The following RNASE4 variants were observed in gnomAD, a reference collection of about 807,000 sequenced individuals.
RNASE4 encodes ribonuclease A family member 4.
For synonymous variants in RNASE4, 93 were observed against 71.4 expected (o/e 1.30, Z -1.52); for missense variants, 194 against 192.8 (o/e 1.01, Z -0.04).
intron 1 of RNASE4, among the ~76,000 whole-genome samples, chr14:20,692,999 C>G: frequency 6.6e-6 from 1 of 152,032 alleles, no homozygotes; most frequent in East Asian, 1.9e-4. Flanking sequence ...AGGCGCCCGC[C>G]ACTACGCCCG....
At chr14:20,693,895 T>C (rs1594210509) in intron 1 of RNASE4, 1 of 1,614,074 alleles carries the variant, frequency 6.2e-7, no homozygotes, top group Non-Finnish European at 8.5e-7. Flanking sequence ...ACATGGAGGT[T>C]CCCCCTGGCC....
At chr14:20,693,421 T>G in intron 1 of RNASE4, 7 of 1,246,760 alleles carry the variant, frequency 5.6e-6, no homozygotes, top group Non-Finnish European at 8.0e-6. Flanking sequence ...GAAAATAGAA[T>G]ATAAAATTTG....
rs1887209988 is a variant in RNASE4, at chr14:20,699,481, T to G, written c.110T>G (p.Leu37Arg). ...YGQDGMYQRF[L>R]RQHVHPEETG... ...CAGGATGGCATGTACCAGCGATTCC[T>G]GCGGCAACACGTGCACCCTGAGGAG... is the stretch of plus-strand genomic sequence containing the variant. Residue 37 changes from leucine to arginine, a missense_variant, in exon 2 of 2, where the codon CTG becomes CGG. By Grantham distance (102) the Leu-to-Arg change is moderately radical. Coordinates refer to ENST00000555835, the MANE Select transcript of RNASE4 (RefSeq NM_002937.5). The G allele has an allele frequency of 6.2e-7, 1 of 1,614,002 alleles. No individual in the cohort carries two copies. The highest frequency in any genetic ancestry group is 1.3e-5 in the African/African-American group (1 of 74,914).
intron 1 of RNASE4, among the ~76,000 whole-genome samples, chr14:20,688,213 G>C (rs561493607): frequency 6.6e-6 from 1 of 152,304 alleles, no homozygotes; most frequent in South Asian, 2.1e-4. Context: ...GAGAAGTTGA[G>C]TGTAGGGGGA....
intron 1 of RNASE4, among the ~76,000 whole-genome samples, chr14:20,689,444 G>T (rs1458631528): frequency 6.6e-6 from 1 of 152,200 alleles, no homozygotes; most frequent in Non-Finnish European, 1.5e-5. Flanking sequence ...ATAAAAGTGT[G>T]AAGCCACATT....
chr14:20,696,198 TATC>T (rs1204223388), intron 1 of RNASE4, among the ~76,000 whole-genome samples: 1 of 152,130 alleles, frequency 6.6e-6, no homozygotes, highest in Non-Finnish European at 1.5e-5. Context: ...CTTGGAGCAT[TATC>T]ATCGCATAGT....
At chr14:20,693,900 C>T in intron 1 of RNASE4, 2 of 1,614,176 alleles carry the variant, frequency 1.2e-6, no homozygotes, top group Non-Finnish European at 8.5e-7. Context: ...GAGGTTCCCC[C>T]TGGCCTCCAT....
chr14:20,690,092 G>A (rs1353631873), intron 1 of RNASE4, among the ~76,000 whole-genome samples: 6 of 148,410 alleles, frequency 4.0e-5, no homozygotes, highest in Admixed American at 3.3e-4. Flanking sequence ...GCGGGCGCCT[G>A]TAGTCCCAGC....
In RNASE4 at chr14:20,699,547, G is replaced by C. The variant is rs139065075; in HGVS notation, c.176G>C (p.Arg59Thr). The change falls in exon 2 of 2, where the codon AGA becomes ACA. Residue 59 changes from arginine (R) to threonine (T), a missense_variant. Arg to Thr is a moderately conservative substitution (Grantham distance 71). Coordinates refer to ENST00000555835, the MANE Select transcript of RNASE4 (RefSeq NM_002937.5). ...SDRYCNLMMQ[R>T]RKMTLYHCKR... ...CGCTACTGCAACTTGATGATGCAAA[G>C]ACGGAAGATGACTTTGTATCACTGC... 1.1e-5 allele frequency: 18 copies of C among 1,614,080 alleles called. No individual in the cohort carries two copies. The African/African-American group carries it at 2.4e-4, about 22-fold the overall frequency.
At chr14:20,690,221 C>CACAA (rs1886663940) in intron 1 of RNASE4, among the ~76,000 whole-genome samples, 1 of 67,978 alleles carries the variant, frequency 1.5e-5, no homozygotes, top group Non-Finnish European at 2.5e-5. Flanking sequence ...GACTCCGTCT[C>CACAA]AAAAAAAAAA....
chr14:20,699,078 C>T (rs998829598), intron 1 of RNASE4: 21 of 306,736 alleles, frequency 6.8e-5, no homozygotes, highest in African/African-American at 4.5e-4. Context: ...ACCTGGCAGC[C>T]ACGCAGTCAG....
chr14:20,685,996 C>T (rs188978443), intron 1 of RNASE4, among the ~76,000 whole-genome samples: 130 of 149,308 alleles, frequency 8.7e-4, no homozygotes, highest in African/African-American at 3.1e-3. Context: ...ACAGAGATTG[C>T]GTCACTGCAC....
chr14:20,694,472 G>A (rs1416424260), intron 1 of RNASE4, among the ~76,000 whole-genome samples: 1 of 151,880 alleles, frequency 6.6e-6, no homozygotes, highest in African/African-American at 2.4e-5. Context: ...GCTAATTTTT[G>A]TGTTTTTAGT....
At position 20,699,986 on chromosome 14, in the gene RNASE4, C is replaced by T. The variant is rs1439004239; in HGVS notation, c.*171C>T. On this transcript the variant is annotated 3_prime_UTR_variant, in exon 2 of 2. Coordinates refer to ENST00000555835, the MANE Select transcript of RNASE4 (RefSeq NM_002937.5). The stretch of plus-strand genomic sequence containing the variant: ...ACATTGCACCAAAGAGATATGGAGA[C>T]ATAAACCTGTAATGAATGAGGCTGG... 3.2e-6 allele frequency: 2 copies of T among 633,508 alleles called. No homozygotes were observed. Among genetic ancestry groups the T allele is most frequent in the Non-Finnish European group, 5.6e-6 (2 of 357,440 alleles). 39.2% of individuals were successfully genotyped at this position (633,508 alleles called of 1,614,324 possible). A position where few individuals can be genotyped will look rare whatever the true frequency, so the allele number is the denominator to read the frequency against.
intron 1 of RNASE4, among the ~76,000 whole-genome samples, chr14:20,685,418 TC>T (rs1173730635): frequency 6.6e-6 from 1 of 152,096 alleles, no homozygotes; most frequent in African/African-American, 2.4e-5. Flanking sequence ...GCCAAGACCC[TC>T]CCTCGTGACA....
Position 20,700,065 on chromosome 14 carries a change from A to G in RNASE4, c.*250A>G, listed in dbSNP as rs919853890. 6.1e-6 allele frequency: 3 copies of G among 495,478 alleles called. No individual in the cohort carries two copies. The highest frequency in any genetic ancestry group is 3.8e-5 in the African/African-American group (2 of 52,034). The allele number at this position is 495,478 out of a possible 1,614,324, so 30.7% of individuals were successfully genotyped here. A position where few individuals can be genotyped will look rare whatever the true frequency, so the allele number is the denominator to read the frequency against. On this transcript the variant is annotated 3_prime_UTR_variant, in exon 2 of 2. Transcript: ENST00000555835. Reference sequence around the variant, plus strand: ...ATACTGGTCAGCTTAGCTCTCTCAGATCCTATCCTGTGGAATTTAGTTATT... The same window carrying G: ...ATACTGGTCAGCTTAGCTCTCTCAGGTCCTATCCTGTGGAATTTAGTTATT...
At chr14:20,684,919 C>G (rs557019430) in intron 1 of RNASE4, among the ~76,000 whole-genome samples, 161 bp downstream of exon 1, 6 of 152,188 alleles carry the variant, frequency 3.9e-5, no homozygotes, top group African/African-American at 1.2e-4. Context: ...GTGAAAGTCC[C>G]GTATTTGTAT....
At chr14:20,688,995 C>A in intron 1 of RNASE4, 2 of 414,360 alleles carry the variant, frequency 4.8e-6, no homozygotes, top group Non-Finnish European at 6.5e-6. Flanking sequence ...GAAAATGGAT[C>A]AGATTCTAAA....
At chr14:20,695,306 A>T (rs1168116399) in intron 1 of RNASE4, among the ~76,000 whole-genome samples, 1 of 151,866 alleles carries the variant, frequency 6.6e-6, no homozygotes, top group Non-Finnish European at 1.5e-5. Context: ...GAGGCAGGAG[A>T]ATCGCTTGAA....
Sources: gnomAD v4.1 joint callset for allele counts (sites outside exome capture counted in the v4.1 genomes callset) on GRCh38, gnomAD v4.1.1 for gene constraint, MANE v1.5 for transcripts, NCBI Gene and HGNC (gene_info 2026-07-23, HGNC 2026-07-21) for gene names.